The following RNF220 variants were observed in gnomAD, a reference collection of about 807,000 sequenced individuals.
The protein encoded by RNF220 is ring finger protein 220.
Under a neutral mutation model 67.1 loss-of-function variants are expected in RNF220, and 7 were observed. That is an observed-to-expected ratio of 0.10 (90% confidence interval 0.06 to 0.20). The LOEUF (loss-of-function observed/expected upper bound fraction) is 0.20, where lower values mean the gene tolerates loss of function less well. Among genes scored for constraint, RNF220 ranks in the 10% least tolerant of loss-of-function variants. The pLI is 1.00. For synonymous variants in RNF220, 270 were observed against 283.2 expected, an observed-to-expected ratio of 0.95 and a Z score of 0.47; for missense variants, 565 against 740.3, an observed-to-expected ratio of 0.76 and a Z score of 2.75.
At chr1:44,406,753 A>G in intron 1 of RNF220, among the ~76,000 whole-genome samples, 1 of 151,104 alleles carries the variant, frequency 6.6e-6, no homozygotes, top group Admixed American at 6.6e-5. Context: ...GTGCTTTGTA[A>G]GAGAAAGCCT....
At chr1:44,574,275 C>A (rs986645311) in intron 2 of RNF220, among the ~76,000 whole-genome samples, 2 of 152,186 alleles carry the variant, frequency 1.3e-5, no homozygotes, top group Admixed American at 1.3e-4. Context: ...TTCCTAAACT[C>A]TCCCCTCTGT....
intron 2 of RNF220, among the ~76,000 whole-genome samples, chr1:44,563,931 C>T (rs546827184): frequency 6.6e-6 from 1 of 152,258 alleles, no homozygotes; most frequent in Non-Finnish European, 1.5e-5. Context: ...CTTCACAGCT[C>T]CCTCCTGAGT....
intron 1 of RNF220, among the ~76,000 whole-genome samples, chr1:44,406,125 CCA>C (rs1017980841): frequency 6.6e-6 from 1 of 152,220 alleles, no homozygotes; most frequent in African/African-American, 2.4e-5. Flanking sequence ...AGCCTCCACC[CCA>C]CACACAGCCG....
intron 2 of RNF220, among the ~76,000 whole-genome samples, chr1:44,442,514 C>CTT (rs10636964): frequency 0.051 from 6,556 of 127,702 alleles, 678 homozygotes; most frequent in African/African-American, 0.17. Flanking sequence ...CACTCACACT[C>CTT]TTTTTTTTTT....
chr1:44,579,157 G>GGA (rs1665050810), intron 2 of RNF220, among the ~76,000 whole-genome samples: 1 of 134,358 alleles, frequency 7.4e-6, no homozygotes, highest in South Asian at 2.3e-4. Context: ...CTCTGTCTCA[G>GGA]AAAAAAAAAA....
upstream of RNF220, among the ~76,000 whole-genome samples, chr1:44,404,914 T>C (rs1322947025): frequency 6.6e-6 from 1 of 152,190 alleles, no homozygotes; most frequent in Non-Finnish European, 1.5e-5. Context: ...TTTGCCCATT[T>C]ACTCTTGGTC....
chr1:44,550,252 G>A lies in RNF220; in HGVS notation c.626-63913G>A, dbSNP rs117109470. Among the ~76,000 whole-genome samples, 11 of 152,318 alleles carry A rather than the reference G, an allele frequency of 7.2e-5. No individual in the cohort carries two copies. The East Asian group carries it at 1.5e-3, about 21-fold the overall frequency. ...TTGGAGAAGTGGGCCAAGAAGGCTC[G>A]AGAAGAAGCCCAGATGACCCAGACT... On this transcript the variant is annotated intron_variant, in intron 2 of 14. Coordinates refer to ENST00000361799, the MANE Select transcript of RNF220 (RefSeq NM_018150.4).
chr1:44,463,335 C>CA (rs1223749063), intron 2 of RNF220, among the ~76,000 whole-genome samples: 5,314 of 91,010 alleles, frequency 0.058, 210 homozygotes, highest in African/African-American at 0.14. Flanking sequence ...AACTCTGTCT[C>CA]AAAAAAAAAA....
At chr1:44,562,501 C>A (rs185566363) in intron 2 of RNF220, among the ~76,000 whole-genome samples, 4 of 152,170 alleles carry the variant, frequency 2.6e-5, no homozygotes, top group Non-Finnish European at 5.9e-5. Flanking sequence ...TCCATAGGTA[C>A]GTCTCCCTGT....
intron 2 of RNF220, among the ~76,000 whole-genome samples, chr1:44,610,667 C>G (rs272550): frequency 0.91 from 137,848 of 152,240 alleles, 62,857 homozygotes; most frequent in Non-Finnish European, 0.96. Flanking sequence ...CTGGTGGGCT[C>G]GGCCTGCCCA....
intron 2 of RNF220, among the ~76,000 whole-genome samples, chr1:44,594,801 T>A (rs1393287498): frequency 6.6e-6 from 1 of 152,110 alleles, no homozygotes; most frequent in Non-Finnish European, 1.5e-5. Flanking sequence ...GGCTAGGAGG[T>A]AGGGCTGGGT....
intron 2 of RNF220, among the ~76,000 whole-genome samples, chr1:44,571,201 T>C (rs1322663109): frequency 2.0e-5 from 3 of 152,122 alleles, no homozygotes; most frequent in Admixed American, 2.0e-4. Flanking sequence ...GTCTGGCCCC[T>C]CTTCCATCTG....
chr1:44,544,765 C>T (rs1661982865), intron 2 of RNF220, among the ~76,000 whole-genome samples: 1 of 152,238 alleles, frequency 6.6e-6, no homozygotes, highest in Non-Finnish European at 1.5e-5. Flanking sequence ...AGCCTTGTGG[C>T]TGTGATTCTG....
At chr1:44,575,091 A>T (rs1664711590) in intron 2 of RNF220, among the ~76,000 whole-genome samples, 1 of 152,128 alleles carries the variant, frequency 6.6e-6, no homozygotes, top group Admixed American at 6.5e-5. Context: ...CTGCTATCAA[A>T]CATTAGAACT....
At chr1:44,455,505 T>A (rs1653088739) in intron 2 of RNF220, among the ~76,000 whole-genome samples, 1 of 152,196 alleles carries the variant, frequency 6.6e-6, no homozygotes, top group Non-Finnish European at 1.5e-5. Flanking sequence ...AAGAAAAATT[T>A]ATGGGATGGA....
At chr1:44,473,365 G>C (rs1021707831) in intron 2 of RNF220, among the ~76,000 whole-genome samples, 1 of 151,828 alleles carries the variant, frequency 6.6e-6, no homozygotes, top group Non-Finnish European at 1.5e-5. Flanking sequence ...TTTCAGTGGA[G>C]TTTAGTAGGG....
chr1:44,501,827 C>T (rs1179349045), intron 2 of RNF220, among the ~76,000 whole-genome samples: 9 of 152,078 alleles, frequency 5.9e-5, no homozygotes, highest in Non-Finnish European at 1.3e-4. Flanking sequence ...GTTTTCTCCG[C>T]TCTTACCCTC....
At chr1:44,544,618 G>A (rs1307339632) in intron 2 of RNF220, among the ~76,000 whole-genome samples, 1 of 152,254 alleles carries the variant, frequency 6.6e-6, no homozygotes, top group Non-Finnish European at 1.5e-5. Context: ...TCCGGAGAAG[G>A]AGGGAAGTGC....
At chr1:44,481,240 T>C (rs938129793) in intron 2 of RNF220, among the ~76,000 whole-genome samples, 7 of 147,974 alleles carry the variant, frequency 4.7e-5, no homozygotes, top group African/African-American at 1.6e-4. Context: ...TTGGGAAACA[T>C]AGTGAGACTC....
Sources: gnomAD v4.1 joint callset for allele counts (sites outside exome capture counted in the v4.1 genomes callset) on GRCh38, gnomAD v4.1.1 for gene constraint, MANE v1.5 for transcripts, NCBI Gene and HGNC (gene_info 2026-07-23, HGNC 2026-07-21) for gene names.